Variants in SESN3 observed in about 807,000 individuals in gnomAD.
SESN3 encodes the protein sestrin 3, also known as sestrin-3.
In SESN3, 21 loss-of-function variants were observed where a neutral mutation model predicts 55.3. The ratio of observed to expected loss-of-function variants is 0.38; its 90% CI spans 0.27 to 0.55. The LOEUF (loss-of-function observed/expected upper bound fraction) is 0.55. Ranked by LOEUF, SESN3 falls within the 20% of genes least tolerant of loss-of-function variation. The pLI, the probability that SESN3 is intolerant of heterozygous loss-of-function variation, is 0.76. For missense variants in SESN3, 408 were observed against 604.3 expected (o/e 0.68, Z 3.41); for synonymous variants, 181 against 203.1 (o/e 0.89, Z 0.93).
At chr11:95,194,906 AGAGT>A (rs1306845800) in intron 1 of SESN3, among the ~76,000 whole-genome samples, 3 of 152,148 alleles carry the variant, frequency 2.0e-5, no homozygotes, top group Non-Finnish European at 2.9e-5. Context: ...CCCAGGTGAC[AGAGT>A]GAGACCTCAT....
chr11:95,217,184 G>A (rs1013496322), intron 1 of SESN3, among the ~76,000 whole-genome samples: 8 of 151,662 alleles, frequency 5.3e-5, no homozygotes, highest in African/African-American at 1.9e-4. Flanking sequence ...AAAACCACAT[G>A]TGTTTAGACT....
At chr11:95,175,448 T>C in intron 9 of SESN3, 50 bp downstream of exon 9, 1 of 1,469,900 alleles carries the variant, frequency 6.8e-7, no homozygotes, top group Non-Finnish European at 9.4e-7. Flanking sequence ...CTATTACTTC[T>C]TGTACTGAAG....
At chr11:95,184,045 C>T (rs1008810526) in intron 6 of SESN3, 8 of 253,564 alleles carry the variant, frequency 3.2e-5, no homozygotes, top group Admixed American at 1.0e-4. Flanking sequence ...CCCCCACCTA[C>T]AAAAAAGGCA....
chr11:95,186,673 C>T (rs1860172953), intron 4 of SESN3, among the ~76,000 whole-genome samples: 2 of 151,756 alleles, frequency 1.3e-5, no homozygotes, highest in African/African-American at 4.8e-5. Context: ...TTAATCTGGT[C>T]ATTGTACATT....
At chr11:95,199,362 T>G (rs141846058) in intron 1 of SESN3, among the ~76,000 whole-genome samples, 1 of 152,116 alleles carries the variant, frequency 6.6e-6, no homozygotes, top group Non-Finnish European at 1.5e-5. Context: ...TACCTCATTA[T>G]AGCTGAAAAA....
chr11:95,207,213 T>C (rs1860567519), intron 1 of SESN3, among the ~76,000 whole-genome samples: 1 of 145,058 alleles, frequency 6.9e-6, no homozygotes, highest in Non-Finnish European at 1.6e-5. Context: ...ATTAAATTCA[T>C]TGTTAAGCAG....
At chr11:95,210,101 G>C (rs187063996) in intron 1 of SESN3, among the ~76,000 whole-genome samples, 1 of 150,762 alleles carries the variant, frequency 6.6e-6, no homozygotes. Flanking sequence ...ATCATTCTCA[G>C]CAAACTAACA....
intron 1 of SESN3, among the ~76,000 whole-genome samples, chr11:95,200,182 A>C (rs931180387): frequency 1.3e-5 from 2 of 152,092 alleles, no homozygotes; most frequent in Non-Finnish European, 2.9e-5. Context: ...AGTAGGTATA[A>C]ACAGGCAGCT....
rs1318459732 is a variant in SESN3, at chr11:95,166,906, T to C, written c.*6349A>G. On this transcript the variant is annotated 3_prime_UTR_variant, in exon 10 of 10. Transcript: ENST00000536441. ...AAAGGAAATATCTGCACTAGATATATAGTTTGGATCACTTTCCTTGGTGAA... is the reference window on the plus strand; with the variant it reads ...AAAGGAAATATCTGCACTAGATATACAGTTTGGATCACTTTCCTTGGTGAA... The C allele has an allele frequency of 6.6e-6, 1 of 152,196 alleles. No individual in the cohort carries two copies. 9.4% of individuals were successfully genotyped at this position (152,196 alleles called of 1,614,324 possible).
intron 6 of SESN3, 135 bp from the exon 7 acceptor site, chr11:95,178,963 T>C (rs1328724492): frequency 5.5e-6 from 3 of 545,798 alleles, no homozygotes; most frequent in Non-Finnish European, 9.8e-6. Flanking sequence ...CGTGACTTTA[T>C]ATAAAATATC....
chr11:95,179,939 T>C (rs1415666281), intron 6 of SESN3, among the ~76,000 whole-genome samples: 2 of 152,190 alleles, frequency 1.3e-5, no homozygotes, highest in Non-Finnish European at 2.9e-5. Flanking sequence ...ACTGAAAAAG[T>C]TTAAATATCC....
At chr11:95,190,999 T>TA (rs1565466723) in intron 3 of SESN3, among the ~76,000 whole-genome samples, 1 of 152,046 alleles carries the variant, frequency 6.6e-6, no homozygotes, top group Non-Finnish European at 1.5e-5. Flanking sequence ...TGCTGACTGA[T>TA]ACTTTCCTCT....
At chr11:95,216,759 TA>T (rs201859631) in intron 1 of SESN3, among the ~76,000 whole-genome samples, 463 of 140,848 alleles carry the variant, frequency 3.3e-3, no homozygotes, top group African/African-American at 6.8e-3. Context: ...GGAGGCAAGA[TA>T]AAAAAAAAAA....
At chr11:95,210,364 A>G (rs1457652072) in intron 1 of SESN3, among the ~76,000 whole-genome samples, 1 of 152,208 alleles carries the variant, frequency 6.6e-6, no homozygotes. Flanking sequence ...AAGTACAATT[A>G]AAATATATAT....
At chr11:95,212,944 C>T (rs1343301242) in intron 1 of SESN3, among the ~76,000 whole-genome samples, 1 of 152,098 alleles carries the variant, frequency 6.6e-6, no homozygotes, top group African/African-American at 2.4e-5. Flanking sequence ...CTTAAATTAT[C>T]TCTTCTTCTC....
intron 8 of SESN3, 88 bp from the exon 9 acceptor site, chr11:95,175,730 A>G: frequency 9.3e-7 from 1 of 1,069,740 alleles, no homozygotes; most frequent in Admixed American, 2.4e-5. Flanking sequence ...TTGTCTAGTA[A>G]TTAAATACTA....
At position 95,171,016 on chromosome 11, in the gene SESN3, A is replaced by G. The variant is rs938907299; in HGVS notation, c.*2239T>C. 2.0e-5 allele frequency: 3 copies of G among 152,154 alleles called. No homozygotes were observed. Among genetic ancestry groups the G allele is most frequent in the African/African-American group, 4.8e-5 (2 of 41,446 alleles). 9.4% of individuals were successfully genotyped at this position (152,154 alleles called of 1,614,324 possible). A position where few individuals can be genotyped will look rare whatever the true frequency, so the allele number is the denominator to read the frequency against. On this transcript the variant is annotated 3_prime_UTR_variant, in exon 10 of 10. Coordinates refer to ENST00000536441, the MANE Select transcript of SESN3 (RefSeq NM_144665.4). ...TTTCCCCTTTTGGTCTAAAGCTCAT[A>G]TGGTGTTCTGTGAGAATTTCTCCTC...
At chr11:95,197,896 G>C (rs963095553) in intron 1 of SESN3, among the ~76,000 whole-genome samples, 1 of 152,050 alleles carries the variant, frequency 6.6e-6, no homozygotes, top group Admixed American at 6.6e-5. Context: ...CTCCAGTCTG[G>C]CTTTGGGTAT....
At chr11:95,201,836 T>C (rs1039324472) in intron 1 of SESN3, among the ~76,000 whole-genome samples, 2 of 152,080 alleles carry the variant, frequency 1.3e-5, no homozygotes, top group South Asian at 2.1e-4. Context: ...CAGAGTGATG[T>C]AAATCAAAGC....
Sources: allele counts gnomAD v4.1 joint callset (sites outside exome capture counted in the v4.1 genomes callset), GRCh38; gene constraint gnomAD v4.1.1; transcripts MANE v1.5; gene names NCBI Gene and HGNC (gene_info 2026-07-23, HGNC 2026-07-21).